ATP7B: variants seen among roughly 807,000 people sequenced by gnomAD.
The protein encoded by ATP7B is copper-transporting ATPase 2.
A neutral mutation model predicts 118.9 loss-of-function variants in ATP7B; 113 were observed. The observed-to-expected ratio is 0.95, with a 90% CI of 0.82 to 1.11. The LOEUF is 1.11. Among genes scored for constraint, ATP7B ranks in the 50% most tolerant of loss-of-function variants. ATP7B has a pLI of 0.00. For synonymous variants in ATP7B, 777 were observed against 727.4 expected (o/e 1.07, Z -1.10); for missense variants, 1,867 against 1,871.4 (o/e 1.00, Z 0.04).
chr13:51,994,617 G>A (rs939262214), intron 1 of ATP7B, among the ~76,000 whole-genome samples: 5 of 152,164 alleles, frequency 3.3e-5, no homozygotes, highest in Non-Finnish European at 7.3e-5. Flanking sequence ...TGATTTCAAC[G>A]TATGTAAATC....
At chr13:51,993,259 T>C (rs57011145) in intron 1 of ATP7B, among the ~76,000 whole-genome samples, 4,791 of 151,578 alleles carry the variant, frequency 0.032, 262 homozygotes, top group African/African-American at 0.11. Flanking sequence ...GTTACTTTTA[T>C]AATCAGAGCT....
chr13:51,980,000 AAAC>A (rs1391976039), intron 1 of ATP7B, among the ~76,000 whole-genome samples: 3 of 152,218 alleles, frequency 2.0e-5, no homozygotes, highest in African/African-American at 4.8e-5. Flanking sequence ...CAACCTCATT[AAAC>A]AACTGGTAGT....
rs189211328 is a variant in ATP7B, at chr13:51,971,406, C to T, written c.1286-657G>A. On this transcript the variant is annotated intron_variant, in intron 2 of 20. Transcript: ENST00000242839. ...AAGTCTGATACCCTAAATACCTCTT[C>T]GGCTAAATAAAATTCTCATAATCCT... is the stretch of plus-strand genomic sequence containing the variant. Among the ~76,000 whole-genome samples the T allele has an allele frequency of 3.8e-4, 58 of 152,286 alleles. No homozygotes were observed. In the Middle Eastern group the frequency reaches 0.01, roughly 27 times the overall value.
chr13:51,961,480 A>T (rs1958738269), intron 6 of ATP7B, among the ~76,000 whole-genome samples: 1 of 151,942 alleles, frequency 6.6e-6, no homozygotes, highest in Non-Finnish European at 1.5e-5. Context: ...AAAAATCTAC[A>T]CTCTCTCCCT....
At chr13:51,997,510 T>C (rs1389025671) in intron 1 of ATP7B, among the ~76,000 whole-genome samples, 1 of 152,178 alleles carries the variant, frequency 6.6e-6, no homozygotes, top group East Asian at 1.9e-4. Context: ...ATTCAAACCA[T>C]TTCTAGATGG....
intron 9 of ATP7B, among the ~76,000 whole-genome samples, chr13:51,951,621 A>AG (rs1340067441): frequency 2.6e-5 from 4 of 152,176 alleles, no homozygotes; most frequent in Non-Finnish European, 4.4e-5. Context: ...CTCATCCCTG[A>AG]GACACTCCAC....
At chr13:51,991,452 G>C (rs905804894) in intron 1 of ATP7B, among the ~76,000 whole-genome samples, 2 of 151,846 alleles carry the variant, frequency 1.3e-5, no homozygotes, top group Non-Finnish European at 2.9e-5. Flanking sequence ...CAAGATCTGC[G>C]GCAACTGCAC....
At chr13:51,945,560 G>A (rs558217313) in intron 13 of ATP7B, among the ~76,000 whole-genome samples, 1 of 152,278 alleles carries the variant, frequency 6.6e-6, no homozygotes, top group East Asian at 1.9e-4. Flanking sequence ...TTGTCCCTGA[G>A]TCGAGCACCC....
intron 12 of ATP7B, among the ~76,000 whole-genome samples, chr13:51,949,250 G>T (rs543558582): frequency 2.6e-5 from 4 of 152,288 alleles, no homozygotes; most frequent in East Asian, 1.9e-4. Flanking sequence ...GGAGGTCAAA[G>T]ATGGTACTGG....
rs1957669749 is a variant in ATP7B at position 51,946,486 on chromosome 13, C to T, written c.2866-8G>A. ...GATGTGCTTGTTGGGGTTCTGAAAA[C>T]AGGACAGAGTCAGAGGCAGGTTGAG... On this transcript the variant is annotated splice_polypyrimidine_tract_variant and splice_region_variant and intron_variant, in intron 12 of 20. Transcript: ENST00000242839. 6.2e-7 allele frequency: 1 copy of T among 1,614,138 alleles called. No individual in the cohort carries two copies. Among genetic ancestry groups the T allele is most frequent in the East Asian group, 2.2e-5 (1 of 44,890 alleles).
At chr13:51,985,244 C>CA (rs1381577412) in intron 1 of ATP7B, among the ~76,000 whole-genome samples, 1 of 151,154 alleles carries the variant, frequency 6.6e-6, no homozygotes, top group East Asian at 1.9e-4. Flanking sequence ...AAATGGAAAG[C>CA]AAAAAAAAGT....
At position 51,941,235 on chromosome 13, in the gene ATP7B, G is replaced by C. The variant is rs369312119; in HGVS notation, c.3413-11C>G. 3 of 1,614,124 alleles carry C rather than the reference G, an allele frequency of 1.9e-6. No homozygotes were observed. The highest frequency in any genetic ancestry group is 1.7e-6 in the Non-Finnish European group (2 of 1,179,982). On this transcript the variant is annotated splice_polypyrimidine_tract_variant and intron_variant, in intron 15 of 20. Coordinates refer to ENST00000242839, the MANE Select transcript of ATP7B (RefSeq NM_000053.4). ...TCTGGGGGACTGCATCTATTCAAAA[G>C]AGGCTGTGGTTATTTCTAAATGGTC...
intron 1 of ATP7B, among the ~76,000 whole-genome samples, chr13:52,004,993 C>G (rs984872062): frequency 2.0e-5 from 3 of 152,236 alleles, no homozygotes; most frequent in Non-Finnish European, 2.9e-5. Flanking sequence ...TGAGCCGCAC[C>G]TGGGGTGGCC....
In ATP7B at chr13:51,946,333, T is replaced by A; in HGVS notation, c.3011A>T (p.Gln1004Leu). ...AVMVGTGVAA[Q>L]NGILIKGGKP... ...GCCTCCCTTGATGAGGATGCCGTTC[T>A]GCGCGGCCACCCCGGTGCCCACCAT... The change falls in exon 13 of 21, where the codon CAG (glutamine) becomes CTG (leucine). Residue 1004 changes from glutamine to leucine, a missense_variant. By Grantham distance (113) the Gln-to-Leu change is moderately radical. Coordinates refer to ENST00000242839, the MANE Select transcript of ATP7B (RefSeq NM_000053.4). The A allele has an allele frequency of 6.2e-7, 1 of 1,608,130 alleles. No homozygotes were observed. Among genetic ancestry groups the A allele is most frequent in the Non-Finnish European group, 8.5e-7 (1 of 1,177,734 alleles).
At chr13:51,935,854 C>A (rs2282059) in intron 19 of ATP7B, among the ~76,000 whole-genome samples, 159 bp from the exon 20 acceptor site, 49 of 152,220 alleles carry the variant, frequency 3.2e-4, no homozygotes, top group African/African-American at 8.9e-4. Context: ...CAGGCCCCCC[C>A]CAAAGTGAGG....
upstream of ATP7B, chr13:52,012,130 G>A (rs1261445258): frequency 3.6e-6 from 2 of 561,152 alleles, no homozygotes; most frequent in African/African-American, 3.8e-5. Flanking sequence ...TCTAGTGGGG[G>A]AGGTGGCCGA....
At chr13:52,000,711 T>C (rs1953452505) in intron 1 of ATP7B, among the ~76,000 whole-genome samples, 1 of 152,202 alleles carries the variant, frequency 6.6e-6, no homozygotes, top group Admixed American at 6.5e-5. Flanking sequence ...GAAAAAATCC[T>C]GGATCCCTCT....
intron 3 of ATP7B, 151 bp from the exon 4 acceptor site, chr13:51,968,758 G>C (rs190387609): frequency 1.0e-6 from 1 of 996,180 alleles, no homozygotes; most frequent in Admixed American, 2.0e-5. Flanking sequence ...CTGCACATGA[G>C]GCTTGCTTGG....
At chr13:51,938,427 G>A (rs1014289324) in intron 17 of ATP7B, among the ~76,000 whole-genome samples, 1 of 152,236 alleles carries the variant, frequency 6.6e-6, no homozygotes, top group Admixed American at 6.5e-5. Flanking sequence ...CAGAAAAGGG[G>A]GGAAGGACGC....
Sources: gnomAD v4.1 joint callset for allele counts (sites outside exome capture counted in the v4.1 genomes callset) on GRCh38, gnomAD v4.1.1 for gene constraint, MANE v1.5 for transcripts, NCBI Gene and HGNC (gene_info 2026-07-23, HGNC 2026-07-21) for gene names.